The following FNBP1L variants were observed in gnomAD, a reference collection of about 807,000 sequenced individuals.
FNBP1L encodes the protein formin binding protein 1 like, also known as formin-binding protein 1-like.
Under a neutral mutation model 91.2 loss-of-function variants are expected in FNBP1L, and 36 were observed. The observed-to-expected ratio is 0.39, with a 90% CI of 0.30 to 0.52. FNBP1L has a LOEUF of 0.52. FNBP1L is among the 20% of genes least tolerant of loss of function. The pLI is 0.66. For missense variants in FNBP1L, 571 were observed against 732.1 expected (o/e 0.78, Z 2.54); for synonymous variants, 242 against 237.0 (o/e 1.02, Z -0.19).
chr1:93,476,919 A>G (rs1669517654), intron 1 of FNBP1L, among the ~76,000 whole-genome samples: 1 of 152,188 alleles, frequency 6.6e-6, no homozygotes, highest in Admixed American at 6.5e-5. Context: ...CATTTAAGAT[A>G]CATAAATTGA....
chr1:93,502,617 C>A (rs1670474989), intron 2 of FNBP1L, among the ~76,000 whole-genome samples: 1 of 152,112 alleles, frequency 6.6e-6, no homozygotes, highest in Non-Finnish European at 1.5e-5. Flanking sequence ...TTCATTGAAA[C>A]AAGGGTGGCT....
At chr1:93,538,381 G>C (rs1291814992) in intron 10 of FNBP1L, among the ~76,000 whole-genome samples, 1 of 151,762 alleles carries the variant, frequency 6.6e-6, no homozygotes, top group South Asian at 2.1e-4. Context: ...GATAGCATAA[G>C]TTATTTTTGT....
rs1193800059 is a variant in FNBP1L at position 93,553,689 on chromosome 1, A to G, written c.*1273A>G. The G allele has an allele frequency of 6.6e-6, 1 of 152,636 alleles. No individual in the cohort carries two copies. The highest frequency in any genetic ancestry group is 1.5e-5 in the Non-Finnish European group (1 of 68,048). 9.5% of individuals were successfully genotyped at this position (152,636 alleles called of 1,614,324 possible). A position where few individuals can be genotyped will look rare whatever the true frequency, so the allele number is the denominator to read the frequency against. On this transcript the variant is annotated 3_prime_UTR_variant, in exon 17 of 17. Coordinates refer to ENST00000271234, the MANE Select transcript of FNBP1L (RefSeq NM_001164473.3). ...ATCTATGTGCACTTTTACTTGTAAA[A>G]TGGAATTTCTGTATGTTTATACTTG... is the stretch of plus-strand genomic sequence containing the variant.
At position 93,453,483 on chromosome 1, in the gene FNBP1L, T is replaced by TA. The variant is rs1161319521; in HGVS notation, c.24+5185dup. 9.9e-5 allele frequency among the ~76,000 whole-genome samples: 15 copies of TA among 152,248 alleles called. 1 individual carries two copies. Among genetic ancestry groups the TA allele is most frequent in the South Asian group, 2.1e-4 (1 of 4,824 alleles). On this transcript the variant is annotated intron_variant, in intron 1 of 16. Coordinates refer to ENST00000271234, the MANE Select transcript of FNBP1L (RefSeq NM_001164473.3). ...AAAATATGATTTTGGCTGGAAACTT[T>TA]AAAAAAACCTATTCTACCAACTTTT...
chr1:93,486,675 G>A (rs1669917886), intron 1 of FNBP1L, among the ~76,000 whole-genome samples: 1 of 152,118 alleles, frequency 6.6e-6, no homozygotes, highest in African/African-American at 2.4e-5. Flanking sequence ...AAAATAAACA[G>A]AAGCAATCGT....
intron 2 of FNBP1L, among the ~76,000 whole-genome samples, chr1:93,506,248 TTTCTTC>T (rs936842253): frequency 2.6e-5 from 4 of 152,160 alleles, no homozygotes; most frequent in African/African-American, 7.2e-5. Context: ...CCCTTTGTCT[TTTCTTC>T]TTCTTCTTCT....
intron 2 of FNBP1L, among the ~76,000 whole-genome samples, chr1:93,521,876 C>T (rs1410116919): frequency 6.6e-6 from 1 of 152,030 alleles, no homozygotes; most frequent in Non-Finnish European, 1.5e-5. Flanking sequence ...CAGAAATAAC[C>T]TTTCTTTCTC....
chr1:93,493,466 A>G (rs1003218046), intron 1 of FNBP1L, among the ~76,000 whole-genome samples: 1 of 152,324 alleles, frequency 6.6e-6, no homozygotes, highest in East Asian at 1.9e-4. Flanking sequence ...CATCACCACC[A>G]TAAATCTCCA....
chr1:93,549,231 T>C, intron 14 of FNBP1L, 47 bp from the exon 15 acceptor site: 1 of 1,465,104 alleles, frequency 6.8e-7, no homozygotes, highest in East Asian at 2.3e-5. Context: ...ATATATAGAA[T>C]TCTCATGTTT....
intron 1 of FNBP1L, among the ~76,000 whole-genome samples, chr1:93,495,682 T>C (rs1670238486): frequency 6.6e-6 from 1 of 152,220 alleles, no homozygotes; most frequent in South Asian, 2.1e-4. Flanking sequence ...TATGCTTACC[T>C]ACCAGGTATT....
intron 1 of FNBP1L, among the ~76,000 whole-genome samples, chr1:93,478,858 T>G (rs965840839): frequency 2.6e-5 from 4 of 152,192 alleles, no homozygotes; most frequent in Admixed American, 2.0e-4. Context: ...GGTAAATGTT[T>G]GGTAAGTTTA....
chr1:93,536,922 T>C (rs970107631), intron 10 of FNBP1L, among the ~76,000 whole-genome samples: 2 of 152,178 alleles, frequency 1.3e-5, no homozygotes, highest in South Asian at 2.1e-4. Context: ...CCCTGCTTAT[T>C]TTCAGATGTA....
chr1:93,464,716 T>C (rs1421807489), intron 1 of FNBP1L, among the ~76,000 whole-genome samples: 1 of 152,236 alleles, frequency 6.6e-6, no homozygotes, highest in African/African-American at 2.4e-5. Flanking sequence ...AACATAATTA[T>C]TAAATTATTA....
At chr1:93,532,654 G>A (rs1671720925) in intron 7 of FNBP1L, among the ~76,000 whole-genome samples, 1 of 152,022 alleles carries the variant, frequency 6.6e-6, no homozygotes, top group African/African-American at 2.4e-5. Flanking sequence ...AGCCAGTAAG[G>A]GGTCCTTTTA....
intron 5 of FNBP1L, among the ~76,000 whole-genome samples, chr1:93,529,352 C>T (rs1196504184): frequency 1.3e-5 from 2 of 152,092 alleles, no homozygotes; most frequent in Admixed American, 1.3e-4. Context: ...AATTTATTTT[C>T]TAATTTAGAA....
chr1:93,516,106 A>G (rs1671097358), intron 2 of FNBP1L, among the ~76,000 whole-genome samples: 1 of 152,152 alleles, frequency 6.6e-6, no homozygotes, highest in Non-Finnish European at 1.5e-5. Flanking sequence ...GTACAATATT[A>G]TTGTAAAAGT....
rs1452835371 is a variant in FNBP1L at position 93,547,488 on chromosome 1, C to A, written c.1502+47C>A. 11 of 1,469,748 alleles carry A rather than the reference C, an allele frequency of 7.5e-6. No homozygotes were observed. In the East Asian group the frequency reaches 2.7e-4, roughly 36 times the overall value. 91.0% of individuals were successfully genotyped at this position (1,469,748 alleles called of 1,614,324 possible). A position where few individuals can be genotyped will look rare whatever the true frequency, so the allele number is the denominator to read the frequency against. The stretch of plus-strand genomic sequence containing the variant: ...GTATTTCTTCTCCCCAGAGTTTTCT[C>A]ACCCTTTTGTCCTAAACTTTATACA... On this transcript the variant is annotated intron_variant, in intron 14 of 16. Transcript: ENST00000271234.
intron 1 of FNBP1L, among the ~76,000 whole-genome samples, chr1:93,494,335 G>C (rs1670195590): frequency 6.6e-6 from 1 of 152,186 alleles, no homozygotes; most frequent in Non-Finnish European, 1.5e-5. Flanking sequence ...CACTGCAAGT[G>C]GATGTGTTCA....
At chr1:93,459,106 C>T (rs761256382) in intron 1 of FNBP1L, among the ~76,000 whole-genome samples, 3 of 152,162 alleles carry the variant, frequency 2.0e-5, no homozygotes, top group Non-Finnish European at 4.4e-5. Context: ...AAAACACCGT[C>T]TCCACTAAAA....
Sources: allele counts gnomAD v4.1 joint callset (sites outside exome capture counted in the v4.1 genomes callset), GRCh38; gene constraint gnomAD v4.1.1; transcripts MANE v1.5; gene names NCBI Gene and HGNC (gene_info 2026-07-23, HGNC 2026-07-21).